TLDC2: variants seen among roughly 807,000 people sequenced by gnomAD.
TLDC2 encodes TBC/LysM-associated domain containing 2.
TLDC2 carries 23 observed loss-of-function variants against 27.9 expected under a neutral mutation model. The observed-to-expected ratio is 0.82, with a 90% CI of 0.59 to 1.17. The LOEUF is 1.17. Among genes scored for constraint, TLDC2 ranks in the 50% most tolerant of loss-of-function variants. The probability of loss-of-function intolerance (pLI) is 0.00; values close to 1 mark genes in which losing one functional copy is unlikely to be tolerated. For synonymous variants in TLDC2, 124 were observed against 107.4 expected (o/e 1.16, Z -0.96); for missense variants, 286 against 273.4 (o/e 1.05, Z -0.32).
In TLDC2 at chr20:36,893,959, G is replaced by T. The variant is rs1568757168; in HGVS notation, c.*1115G>T. 1 of 398,476 alleles carries T rather than the reference G, an allele frequency of 2.5e-6. No homozygotes were observed. Among genetic ancestry groups the T allele is most frequent in the African/African-American group, 2.1e-5 (1 of 48,614 alleles). The allele number at this position is 398,476 out of a possible 1,614,324, so 24.7% of individuals were successfully genotyped here. A position where few individuals can be genotyped will look rare whatever the true frequency, so the allele number is the denominator to read the frequency against. On this transcript the variant is annotated 3_prime_UTR_variant, in exon 7 of 7. Coordinates refer to ENST00000217320, the MANE Select transcript of TLDC2 (RefSeq NM_080628.3). Reference sequence around the variant, plus strand: ...AGGTGAGAAGAGGGCAGAGAAGTCAGGTTTTTTCTCTCCCTACCTCCTCTG... The same window carrying T: ...AGGTGAGAAGAGGGCAGAGAAGTCATGTTTTTTCTCTCCCTACCTCCTCTG...
chr20:36,886,173 C>T (rs117729827), intron 4 of TLDC2, among the ~76,000 whole-genome samples: 5,963 of 152,222 alleles, frequency 0.039, 160 homozygotes, highest in South Asian at 0.066. Context: ...CTGTTATCCA[C>T]GCTAGAGTGC....
intron 4 of TLDC2, 81 bp downstream of exon 4, chr20:36,880,831 A>C (rs1194692897): frequency 8.0e-7 from 1 of 1,255,776 alleles, no homozygotes; most frequent in Non-Finnish European, 1.2e-6. Context: ...TCCCAGCTCC[A>C]TCCTCCACGA....
chr20:36,882,219 T>C (rs1989830324), intron 4 of TLDC2, among the ~76,000 whole-genome samples: 1 of 152,164 alleles, frequency 6.6e-6, no homozygotes, highest in South Asian at 2.1e-4. Context: ...AGTACCTGCT[T>C]GGCACAGAGC....
chr20:36,877,949 AG>A lies in TLDC2; in HGVS notation c.85del (p.Glu29ArgfsTer21). The A allele has an allele frequency of 6.2e-7, 1 of 1,613,996 alleles. No individual in the cohort carries two copies. The highest frequency in any genetic ancestry group is 8.5e-7 in the Non-Finnish European group (1 of 1,179,958). On this transcript the variant is annotated frameshift_variant, in exon 2 of 7. Transcript: ENST00000217320. LOFTEE classifies it high-confidence loss of function. ...CTGGGGAGGAGGGTAACGAAGAGGA[AG>A]AGGAGGAGGAGGCAGCTCCAGACCC... ...LSGEEGNEEE[E>X]EEEAAPDPAA...
intron 3 of TLDC2, among the ~76,000 whole-genome samples, chr20:36,880,073 A>ATATATATATATATGTATG: frequency 2.5e-5 from 1 of 40,568 alleles, no homozygotes; most frequent in African/African-American, 6.0e-5. Context: ...ATATATACAT[A>ATATATATATATATGTATG]TATATATATA....
At chr20:36,882,290 C>G (rs1414801839) in intron 4 of TLDC2, among the ~76,000 whole-genome samples, 1 of 152,182 alleles carries the variant, frequency 6.6e-6, no homozygotes, top group Non-Finnish European at 1.5e-5. Flanking sequence ...TGCCTATAAT[C>G]CCAGCACTTA....
rs1601109292 is a variant in TLDC2 at position 36,893,774 on chromosome 20, C to T, written c.*930C>T. On this transcript the variant is annotated 3_prime_UTR_variant, in exon 7 of 7. Transcript: ENST00000217320. ...GGAATACAATGCTGGTGGGAGGATT[C>T]GTGCTCCTCATCTGCTTATTTGCTC... 2 of 396,738 alleles carry T rather than the reference C, an allele frequency of 5.0e-6. No homozygotes were observed. Among genetic ancestry groups the T allele is most frequent in the Non-Finnish European group, 8.9e-6 (2 of 225,244 alleles). The allele number at this position is 396,738 out of a possible 1,614,324, so 24.6% of individuals were successfully genotyped here. A position where few individuals can be genotyped will look rare whatever the true frequency, so the allele number is the denominator to read the frequency against.
At chr20:36,892,581 A>T in intron 6 of TLDC2, 1 of 317,546 alleles carries the variant, frequency 3.1e-6, no homozygotes. Context: ...GCTTGAGCCC[A>T]GGAAAGTTCG....
chr20:36,890,269 G>C (rs993600752), intron 6 of TLDC2: 1 of 152,164 alleles, frequency 6.6e-6, no homozygotes, highest in African/African-American at 2.4e-5. Context: ...CCCTTACCCA[G>C]TTGAAGTGGC....
At chr20:36,878,861 A>G (rs1353614517) in intron 2 of TLDC2, among the ~76,000 whole-genome samples, 180 bp from the exon 3 acceptor site, 1 of 152,108 alleles carries the variant, frequency 6.6e-6, no homozygotes, top group Non-Finnish European at 1.5e-5. Context: ...TAAGATGGGA[A>G]TAACAACCCC....
intron 1 of TLDC2, among the ~76,000 whole-genome samples, 193 bp downstream of exon 1, chr20:36,876,400 G>A (rs1176440801): frequency 2.0e-5 from 3 of 152,194 alleles, no homozygotes; most frequent in South Asian, 4.1e-4. Context: ...CTGCTCCAAG[G>A]TTCTCAAGGG....
intron 4 of TLDC2, among the ~76,000 whole-genome samples, chr20:36,882,435 G>C (rs1370757078): frequency 6.6e-6 from 1 of 152,094 alleles, no homozygotes; most frequent in Non-Finnish European, 1.5e-5. Context: ...GCTCACAACT[G>C]TAATCCCAGC....
intron 1 of TLDC2, among the ~76,000 whole-genome samples, chr20:36,877,373 C>A (rs1186365517): frequency 7.0e-6 from 1 of 142,988 alleles, no homozygotes; most frequent in Non-Finnish European, 1.5e-5. Flanking sequence ...AGAGCAAGAC[C>A]CTGTCTCAAA....
At chr20:36,889,215 G>A (rs1175042909) in intron 5 of TLDC2, 36 bp from the exon 6 acceptor site, 3 of 1,609,306 alleles carry the variant, frequency 1.9e-6, no homozygotes, top group Non-Finnish European at 2.5e-6. Context: ...CAGCACACAG[G>A]AGTGAGCCGC....
intron 6 of TLDC2, 91 bp from the exon 7 acceptor site, chr20:36,892,771 A>C: frequency 1.1e-6 from 1 of 891,480 alleles, no homozygotes; most frequent in Non-Finnish European, 1.9e-6. Context: ...GCCTAATACC[A>C]TCTTATTTCT....
At chr20:36,878,918 C>A in intron 2 of TLDC2, 123 bp from the exon 3 acceptor site, 4 of 1,437,334 alleles carry the variant, frequency 2.8e-6, no homozygotes, top group South Asian at 1.2e-5. Context: ...CTAGAAACAG[C>A]AAACTGCTCT....
In TLDC2 at chr20:36,884,792, T is replaced by G. The variant is rs538105520; in HGVS notation, c.439-2663T>G. Among the ~76,000 whole-genome samples the G allele has an allele frequency of 8.7e-5, 13 of 148,662 alleles. No individual in the cohort carries two copies. The South Asian group carries it at 2.6e-3, about 29-fold the overall frequency. On this transcript the variant is annotated intron_variant, in intron 4 of 6. Coordinates refer to ENST00000217320, the MANE Select transcript of TLDC2 (RefSeq NM_080628.3). The stretch of plus-strand genomic sequence containing the variant: ...ATAAATAAATAAATAAATAAATAAA[T>G]AAATAAAATGACAACACCCAGCCCT...
intron 6 of TLDC2, chr20:36,891,116 C>G (rs2148350707): frequency 6.6e-6 from 1 of 152,324 alleles, no homozygotes; most frequent in African/African-American, 2.4e-5. Context: ...CGTTGCTGAG[C>G]CCATATGTGA....
chr20:36,880,702 C>T lies in TLDC2; in HGVS notation c.390C>T (p.Phe130=), dbSNP rs939505330. 7.4e-6 allele frequency: 12 copies of T among 1,614,280 alleles called. No homozygotes were observed. Among genetic ancestry groups the T allele is most frequent in the Non-Finnish European group, 1.0e-5 (12 of 1,180,052 alleles). The part of the protein sequence containing the change: ...SSSAIRLSKG[F]YGTGETFLFS... ...CGGCTATCCGACTCAGCAAAGGCTT[C>T]TATGGTACTGGCGAGACATTCCTCT... Residue 130 remains phenylalanine, a synonymous_variant, in exon 4 of 7, where the codon TTC becomes TTT. Transcript: ENST00000217320.
Sources: allele counts gnomAD v4.1 joint callset (sites outside exome capture counted in the v4.1 genomes callset), GRCh38; gene constraint gnomAD v4.1.1; transcripts MANE v1.5; gene names NCBI Gene and HGNC (gene_info 2026-07-23, HGNC 2026-07-21).